Variants in USP9Y observed in about 807,000 individuals in gnomAD.
The protein encoded by USP9Y is ubiquitin specific peptidase 9 Y-linked.
A neutral mutation model predicts 53.1 loss-of-function variants in USP9Y; 41 were observed. The ratio of observed to expected loss-of-function variants is 0.77; its 90% CI spans 0.60 to 1.00. The LOEUF (loss-of-function observed/expected upper bound fraction) is 1.00. USP9Y is among the 50% of genes least tolerant of loss of function. The probability of loss-of-function intolerance (pLI) is 0.00; values close to 1 mark genes in which losing one functional copy is unlikely to be tolerated. For synonymous variants in USP9Y, 220 were observed against 173.7 expected, an observed-to-expected ratio of 1.27 and a Z score of -2.09; for missense variants, 567 against 535.8, an observed-to-expected ratio of 1.06 and a Z score of -0.58.
At chrY:12,705,473 C>T in intron 1 of USP9Y, among the ~76,000 whole-genome samples, 1 of 31,527 alleles carries the variant, frequency 3.2e-5, no homozygotes, top group Non-Finnish European at 7.8e-5. Context: ...TTGTTGAAAT[C>T]CTCTATTTCC....
intron 31 of USP9Y, among the ~76,000 whole-genome samples, chrY:12,815,452 T>C: frequency 3.0e-5 from 1 of 33,874 alleles, no homozygotes; most frequent in African/African-American, 1.2e-4. Flanking sequence ...GGTCTCAAAC[T>C]GCTGACCCCG....
Position 12,776,644 on chromosome Y carries a change from T to C in USP9Y, c.2428-5T>C. The C allele has an allele frequency of 2.7e-6, 1 of 371,054 alleles. No homozygotes were observed. Among genetic ancestry groups the C allele is most frequent in the Non-Finnish European group, 3.9e-6 (1 of 258,674 alleles). The allele number at this position is 371,054 out of a possible 400,897, so 92.6% of individuals were successfully genotyped here. A position where few individuals can be genotyped will look rare whatever the true frequency, so the allele number is the denominator to read the frequency against. On this transcript the variant is annotated splice_polypyrimidine_tract_variant and splice_region_variant and intron_variant, in intron 18 of 45. Coordinates refer to ENST00000338981, the MANE Select transcript of USP9Y (RefSeq NM_004654.4). The stretch of plus-strand genomic sequence containing the variant: ...GGATTATCTGTATTTGTCCATTATT[T>C]ATAGGTGGTTATCCATGAAGACTTC...
chrY:12,758,594 A>C lies in USP9Y; in HGVS notation c.1718A>C (p.Gln573Pro). 2.6e-6 allele frequency: 1 copy of C among 386,853 alleles called. No homozygotes were observed. The highest frequency in any genetic ancestry group is 3.6e-6 in the Non-Finnish European group (1 of 275,372). ...NDKWVIPALK[Q>P]IREICSLFGE... The stretch of plus-strand genomic sequence containing the variant: ...AAGTGGGTAATTCCTGCTCTGAAAC[A>C]AATAAGAGAAATTTGTAGTTTGTTT... Residue 573 changes from glutamine (Q) to proline (P), a missense_variant, in exon 14 of 46, where the codon CAA becomes CCA. Physicochemically the swap from Gln to Pro is moderately conservative, Grantham distance 76 (BLOSUM62 -1). Transcript: ENST00000338981.
At chrY:12,821,455 A>G (rs985276109) in intron 33 of USP9Y, among the ~76,000 whole-genome samples, 1 of 32,144 alleles carries the variant, frequency 3.1e-5, no homozygotes, top group African/African-American at 1.2e-4. Context: ...TCTTTGAGCT[A>G]TTGTGAATAG....
intron 15 of USP9Y, among the ~76,000 whole-genome samples, chrY:12,770,655 C>A (rs2053484922): frequency 6.1e-5 from 2 of 32,576 alleles, no homozygotes; most frequent in East Asian, 1.6e-3. Context: ...TAAAATACAG[C>A]ATTTTCTCTC....
At chrY:12,767,606 CTGTGTGTG>C (rs199662654) in intron 15 of USP9Y, among the ~76,000 whole-genome samples, 3 of 26,607 alleles carry the variant, frequency 1.1e-4, no homozygotes, top group African/African-American at 4.4e-4. Context: ...GTGTGTGTAT[CTGTGTGTG>C]TGTGTGTGTG....
At chrY:12,845,729 C>T in intron 39 of USP9Y, among the ~76,000 whole-genome samples, 1 of 32,645 alleles carries the variant, frequency 3.1e-5, no homozygotes, top group Non-Finnish European at 7.5e-5. Context: ...CTCGCTTAGT[C>T]GCCCAGGCTG....
At chrY:12,778,285 G>A (rs756138396) in intron 20 of USP9Y, 26 bp downstream of exon 20, 1 of 346,445 alleles carries the variant, frequency 2.9e-6, no homozygotes, top group Non-Finnish European at 4.1e-6. Flanking sequence ...TTTTAAATAA[G>A]TCATGAAACT....
At chrY:12,851,655 C>T in intron 42 of USP9Y, among the ~76,000 whole-genome samples, 1 of 30,655 alleles carries the variant, frequency 3.3e-5, no homozygotes, top group Non-Finnish European at 7.8e-5. Flanking sequence ...TGGCTGATAC[C>T]GCTTGTTCCT....
intron 33 of USP9Y, among the ~76,000 whole-genome samples, chrY:12,825,965 T>A (rs2148290556): frequency 3.3e-5 from 1 of 30,173 alleles, no homozygotes; most frequent in South Asian, 7.6e-4. Flanking sequence ...AAATGGAGTT[T>A]CACTCTTGTT....
intron 14 of USP9Y, among the ~76,000 whole-genome samples, chrY:12,759,279 T>C (rs2053472670): frequency 3.0e-5 from 1 of 33,459 alleles, no homozygotes; most frequent in Non-Finnish European, 7.4e-5. Context: ...TTGTAACATA[T>C]TGAAAATTAA....
At chrY:12,758,163 A>G (rs2053471127) in intron 13 of USP9Y, among the ~76,000 whole-genome samples, 1 of 33,492 alleles carries the variant, frequency 3.0e-5, no homozygotes, top group Non-Finnish European at 7.4e-5. Context: ...AAGTATTAAA[A>G]CTTCACAAAA....
intron 12 of USP9Y, among the ~76,000 whole-genome samples, chrY:12,746,945 G>C: frequency 6.2e-5 from 2 of 32,143 alleles, no homozygotes; most frequent in Admixed American, 2.8e-4. Context: ...ATGTTAGCCA[G>C]GATGGTCTTG....
At chrY:12,841,761 A>C in intron 37 of USP9Y, among the ~76,000 whole-genome samples, 1 of 32,749 alleles carries the variant, frequency 3.1e-5, no homozygotes, top group Non-Finnish European at 7.5e-5. Flanking sequence ...CAGTAGTATC[A>C]TTTGAGCCCA....
chrY:12,752,944 T>C lies in USP9Y; in HGVS notation c.1423-4248T>C. 8.9e-5 allele frequency among the ~76,000 whole-genome samples: 3 copies of C among 33,622 alleles called. No individual in the cohort carries two copies. The East Asian group carries it at 2.3e-3, about 26-fold the overall frequency. 90.2% of individuals were successfully genotyped at this position (33,622 alleles called of 37,273 possible). Reference sequence around the variant, plus strand: ...GACTCTTTGTCATGAATGGATGTTTTGCCAAGTGTTTTTTTCTGTATCTGT... The same window carrying C: ...GACTCTTTGTCATGAATGGATGTTTCGCCAAGTGTTTTTTTCTGTATCTGT... On this transcript the variant is annotated intron_variant, in intron 12 of 45. Transcript: ENST00000338981.
At chrY:12,855,303 G>A (rs1033318167) in intron 42 of USP9Y, among the ~76,000 whole-genome samples, 14 of 33,138 alleles carry the variant, frequency 4.2e-4, no homozygotes, top group African/African-American at 1.6e-3. Flanking sequence ...GATTGCAGTG[G>A]GGTGATCTCC....
chrY:12,778,469 A>T, intron 20 of USP9Y, 137 bp from the exon 21 acceptor site: 1 of 219,398 alleles, frequency 4.6e-6, no homozygotes, highest in East Asian at 1.1e-4. Context: ...TTAAATGGTT[A>T]TGTTAGACAG....
intron 7 of USP9Y, among the ~76,000 whole-genome samples, chrY:12,733,900 T>C: frequency 3.0e-5 from 1 of 33,401 alleles, no homozygotes; most frequent in African/African-American, 1.2e-4. Context: ...CCTTTATTAA[T>C]CAGCTCAGCT....
In USP9Y at chrY:12,856,367, A is replaced by C; in HGVS notation, c.7092A>C (p.Pro2364=). The change falls in exon 43 of 46, where the codon CCA becomes CCC. Residue 2364 remains proline (P), a synonymous_variant. Transcript: ENST00000338981. ...TTCATAATGCACTTAAAGGAATTCC[A>C]GATGACAGAGATGGGCTGTTCGATA... ...HRIHNALKGI[P]DDRDGLFDTI... is the part of the protein sequence containing the mutation. 1 of 398,003 alleles carries C rather than the reference A, an allele frequency of 2.5e-6. No individual in the cohort carries two copies. The highest frequency in any genetic ancestry group is 3.0e-5 in the South Asian group (1 of 33,715).
Sources: allele counts gnomAD v4.1 joint callset (sites outside exome capture counted in the v4.1 genomes callset), GRCh38; gene constraint gnomAD v4.1.1; transcripts MANE v1.5; gene names NCBI Gene and HGNC (gene_info 2026-07-23, HGNC 2026-07-21).